The following QTMAN variants were observed in gnomAD, a reference collection of about 807,000 sequenced individuals.
QTMAN encodes the protein tRNA-queuosine alpha-mannosyltransferase.
chr2:144,174,182 A>G, the QTMAN span, among the ~76,000 whole-genome samples: 1 of 152,202 alleles, frequency 6.6e-6, no homozygotes, highest in African/African-American at 2.4e-5. Context: ...ACAGACATCC[A>G]GAATTCTCTC....
chr2:143,950,797 C>T, the QTMAN span: 16 of 152,054 alleles, frequency 1.1e-4, no homozygotes, highest in Admixed American at 7.2e-4. Flanking sequence ...TCTTGAACGA[C>T]TGTTTTCTCT....
chr2:144,292,697 T>C, the QTMAN span, among the ~76,000 whole-genome samples: 12 of 152,134 alleles, frequency 7.9e-5, no homozygotes, highest in Non-Finnish European at 1.2e-4. Context: ...ACAATGGAAA[T>C]TGAGTATGTT....
the QTMAN span, among the ~76,000 whole-genome samples, chr2:144,139,123 T>A: frequency 6.6e-6 from 1 of 152,022 alleles, no homozygotes; most frequent in East Asian, 1.9e-4. Flanking sequence ...GTTGGCTCAA[T>A]CAATGGATGG....
the QTMAN span, among the ~76,000 whole-genome samples, chr2:144,247,067 A>G: frequency 6.6e-6 from 1 of 152,226 alleles, no homozygotes; most frequent in Non-Finnish European, 1.5e-5. Flanking sequence ...CAGGAAACAT[A>G]AACAAAAATG....
the QTMAN span, among the ~76,000 whole-genome samples, chr2:144,297,470 A>C: frequency 6.6e-6 from 1 of 151,874 alleles, no homozygotes; most frequent in South Asian, 2.1e-4. Context: ...AAAATCATAT[A>C]GTCAATTTAA....
At chr2:144,148,946 T>C in the QTMAN span, among the ~76,000 whole-genome samples, 5 of 152,002 alleles carry the variant, frequency 3.3e-5, no homozygotes, top group South Asian at 1.0e-3. Context: ...CTCTTTGCTT[T>C]TCTTGCTCGT....
At chr2:144,215,359 A>G in the QTMAN span, among the ~76,000 whole-genome samples, 1 of 152,008 alleles carries the variant, frequency 6.6e-6, no homozygotes, top group African/African-American at 2.4e-5. Context: ...TTGAATTAGT[A>G]AAGTGTCTTG....
chr2:144,273,464 G>A, the QTMAN span, among the ~76,000 whole-genome samples: 1 of 152,086 alleles, frequency 6.6e-6, no homozygotes, highest in Non-Finnish European at 1.5e-5. Context: ...AAGGCTGCTG[G>A]TTCAAGTACT....
At chr2:144,246,038 C>T in the QTMAN span, among the ~76,000 whole-genome samples, 4 of 152,174 alleles carry the variant, frequency 2.6e-5, no homozygotes, top group Non-Finnish European at 5.9e-5. Flanking sequence ...ATCTACTGTA[C>T]TTCCCTTAAC....
chr2:144,094,332 G>A, the QTMAN span, among the ~76,000 whole-genome samples: 11 of 151,960 alleles, frequency 7.2e-5, no homozygotes, highest in South Asian at 6.3e-4. Context: ...TTATCTTCTC[G>A]GTATTTACAT....
chr2:144,172,581 G>A, the QTMAN span, among the ~76,000 whole-genome samples: 47 of 135,970 alleles, frequency 3.5e-4, 2 homozygotes, highest in South Asian at 9.1e-3. Flanking sequence ...GCAAGATTGT[G>A]CCACTACACT....
chr2:144,276,039 T>A, the QTMAN span, among the ~76,000 whole-genome samples: 1 of 152,158 alleles, frequency 6.6e-6, no homozygotes, highest in Non-Finnish European at 1.5e-5. Flanking sequence ...TGTAAAGACA[T>A]ACTTTTTTCA....
At chr2:143,958,011 A>G in the QTMAN span, among the ~76,000 whole-genome samples, 1 of 152,162 alleles carries the variant, frequency 6.6e-6, no homozygotes, top group Non-Finnish European at 1.5e-5. Context: ...TAAATGCACC[A>G]GTAATGTAAT....
the QTMAN span, among the ~76,000 whole-genome samples, chr2:144,264,044 A>G: frequency 3.9e-5 from 6 of 152,186 alleles, no homozygotes; most frequent in Admixed American, 3.9e-4. Flanking sequence ...TGAGGGATAA[A>G]AGAAGCTGTA....
the QTMAN span, among the ~76,000 whole-genome samples, chr2:144,035,468 T>C: frequency 6.6e-6 from 1 of 152,388 alleles, no homozygotes; most frequent in East Asian, 1.9e-4. Context: ...ACTCATTTCC[T>C]TATTCAACAG....
At chr2:144,270,399 C>T in the QTMAN span, among the ~76,000 whole-genome samples, 4 of 152,256 alleles carry the variant, frequency 2.6e-5, no homozygotes, top group Non-Finnish European at 5.9e-5. Context: ...AGACTTGGAA[C>T]CAACCCAAAT....
the QTMAN span, chr2:144,317,398 G>GAAGGAAGGAAGGAAGA: frequency 6.7e-6 from 1 of 149,862 alleles, no homozygotes; most frequent in African/African-American, 2.4e-5. Flanking sequence ...AGGAAGGAAG[G>GAAGGAAGGAAGGAAGA]AAGGAAGGAA....
chr2:144,104,760 T>C, the QTMAN span, among the ~76,000 whole-genome samples: 96 of 152,310 alleles, frequency 6.3e-4, no homozygotes, highest in African/African-American at 2.2e-3. Flanking sequence ...AAGAGAGTAG[T>C]GGTTCTCCAA....
chr2:144,329,910 G>GGT, the QTMAN span, among the ~76,000 whole-genome samples: 1 of 152,164 alleles, frequency 6.6e-6, no homozygotes, highest in African/African-American at 2.4e-5. Flanking sequence ...GGTATACACA[G>GGT]ATGAGTAGGA....
Sources: allele counts gnomAD v4.1 joint callset (sites outside exome capture counted in the v4.1 genomes callset), GRCh38; gene constraint gnomAD v4.1.1; transcripts MANE v1.5; gene names NCBI Gene and HGNC (gene_info 2026-07-23, HGNC 2026-07-21).